Variants in SOX5 observed in about 807,000 individuals in gnomAD.
The protein encoded by SOX5 is SRY-box transcription factor 5, also known as transcription factor SOX-5.
A neutral mutation model predicts 92.0 loss-of-function variants in SOX5; 9 were observed. The ratio of observed to expected loss-of-function variants is 0.10; its 90% CI spans 0.06 to 0.17. SOX5 has a LOEUF of 0.17. SOX5 is among the 10% of genes least tolerant of loss of function. The pLI is 1.00. For synonymous variants in SOX5, 344 were observed against 336.3 expected, an observed-to-expected ratio of 1.02 and a Z score of -0.25; for missense variants, 642 against 944.5, an observed-to-expected ratio of 0.68 and a Z score of 4.20.
chr12:24,259,214 AAGAGAGCGAGCG>A, intron 3 of SOX5, among the ~76,000 whole-genome samples: 1 of 152,244 alleles, frequency 6.6e-6, no homozygotes, highest in South Asian at 2.1e-4. Flanking sequence ...AAGAGACAGA[AAGAGAGCGAGCG>A]AGAGAGAGAG....
At chr12:23,613,227 T>C (rs995683863) in intron 8 of SOX5, among the ~76,000 whole-genome samples, 1 of 152,058 alleles carries the variant, frequency 6.6e-6, no homozygotes, top group Non-Finnish European at 1.5e-5. Flanking sequence ...TAATTAAACA[T>C]GTTTCATTCT....
chr12:23,726,166 AGAGAGAGAGG>A (rs1473861612), intron 6 of SOX5, among the ~76,000 whole-genome samples: 8 of 133,762 alleles, frequency 6.0e-5, no homozygotes, highest in Non-Finnish European at 3.1e-5. Flanking sequence ...AGAGAGAGAG[AGAGAGAGAGG>A]TCAGTTTCTC....
chr12:23,790,565 C>CAT (rs2095457822), intron 3 of SOX5, among the ~76,000 whole-genome samples: 1 of 151,512 alleles, frequency 6.6e-6, no homozygotes, highest in South Asian at 2.1e-4. Context: ...CACACACACA[C>CAT]ACACACACAC....
intron 4 of SOX5, among the ~76,000 whole-genome samples, chr12:24,133,569 T>G (rs1949848442): frequency 6.6e-6 from 1 of 152,108 alleles, no homozygotes; most frequent in Non-Finnish European, 1.5e-5. Flanking sequence ...TGTGCGGCTC[T>G]TCAAAGCACA....
intron 3 of SOX5, among the ~76,000 whole-genome samples, chr12:23,824,444 C>G (rs2096188121): frequency 6.6e-6 from 1 of 152,198 alleles, no homozygotes; most frequent in South Asian, 2.1e-4. Flanking sequence ...TTATCACCAG[C>G]TGAGGCTGTA....
At chr12:24,233,118 C>T (rs574346118) in intron 3 of SOX5, among the ~76,000 whole-genome samples, 3 of 151,990 alleles carry the variant, frequency 2.0e-5, no homozygotes, top group Non-Finnish European at 4.4e-5. Flanking sequence ...CCCTCTTATG[C>T]CTAACTTCAT....
At chr12:24,027,303 G>T (rs1420805432) in intron 4 of SOX5, among the ~76,000 whole-genome samples, 1 of 151,850 alleles carries the variant, frequency 6.6e-6, no homozygotes, top group Non-Finnish European at 1.5e-5. Context: ...ACTCAGATCT[G>T]CTCTCCTGAC....
intron 3 of SOX5, among the ~76,000 whole-genome samples, chr12:23,787,643 T>C (rs1169120569): frequency 6.6e-6 from 1 of 151,982 alleles, no homozygotes; most frequent in Non-Finnish European, 1.5e-5. Flanking sequence ...AGTAAGAGAA[T>C]ATACTCAACT....
At chr12:24,160,335 G>A (rs950865130) in intron 4 of SOX5, among the ~76,000 whole-genome samples, 6 of 151,930 alleles carry the variant, frequency 3.9e-5, no homozygotes, top group African/African-American at 1.2e-4. Flanking sequence ...CATATTTGCC[G>A]AGCTCCAAGC....
At chr12:24,347,468 T>TA (rs1381137525) in intron 2 of SOX5, among the ~76,000 whole-genome samples, 1 of 152,114 alleles carries the variant, frequency 6.6e-6, no homozygotes, top group African/African-American at 2.4e-5. Flanking sequence ...TGAGAACACT[T>TA]AAAATCTACT....
At chr12:24,224,185 C>T (rs998582008) in intron 3 of SOX5, among the ~76,000 whole-genome samples, 1 of 152,132 alleles carries the variant, frequency 6.6e-6, no homozygotes, top group African/African-American at 2.4e-5. Context: ...GCAAGATCAT[C>T]TAATGAGGGA....
intron 4 of SOX5, among the ~76,000 whole-genome samples, chr12:24,021,464 C>T (rs972531058): frequency 2.6e-5 from 4 of 152,150 alleles, no homozygotes; most frequent in Admixed American, 6.6e-5. Flanking sequence ...ACAGCATTAA[C>T]GCTTTTCACC....
rs188725805 is a variant in SOX5 at position 23,808,245 on chromosome 12, C to T, written c.481+37738G>A. Among the ~76,000 whole-genome samples, 10 of 152,148 alleles carry T rather than the reference C, an allele frequency of 6.6e-5. No homozygotes were observed. The East Asian group carries it at 1.9e-3, about 29-fold the overall frequency. ...AATCAAAGTTAACTCTGTATTTCTA[C>T]CACCTTTTCAATGACTTTCCCACGA... is the stretch of plus-strand genomic sequence containing the variant. On this transcript the variant is annotated intron_variant, in intron 3 of 14. Coordinates refer to ENST00000451604, the MANE Select transcript of SOX5 (RefSeq NM_006940.6).
chr12:24,037,007 C>G (rs1385485871), intron 4 of SOX5, among the ~76,000 whole-genome samples: 2 of 152,090 alleles, frequency 1.3e-5, no homozygotes, highest in Non-Finnish European at 2.9e-5. Flanking sequence ...AAAAGTCACT[C>G]TCTTGTGAAT....
chr12:24,049,876 G>A (rs1957396948), intron 4 of SOX5, among the ~76,000 whole-genome samples: 1 of 151,764 alleles, frequency 6.6e-6, no homozygotes, highest in African/African-American at 2.4e-5. Flanking sequence ...TGGAGCCAGT[G>A]CAATTTGTCC....
At chr12:23,948,101 T>A (rs1944915418) in intron 1 of SOX5, among the ~76,000 whole-genome samples, 1 of 152,016 alleles carries the variant, frequency 6.6e-6, no homozygotes, top group African/African-American at 2.4e-5. Context: ...AAGGCTATAT[T>A]TGCAAATAAA....
chr12:24,284,432 T>TG (rs77467039), intron 2 of SOX5, among the ~76,000 whole-genome samples: 1 of 149,564 alleles, frequency 6.7e-6, no homozygotes, highest in African/African-American at 2.5e-5. Context: ...TTTTTTTTCT[T>TG]TGTGTGTGTG....
intron 1 of SOX5, among the ~76,000 whole-genome samples, chr12:24,445,015 T>C (rs543101688): frequency 3.9e-5 from 6 of 152,228 alleles, no homozygotes; most frequent in African/African-American, 1.4e-4. Context: ...TGATTTTTTC[T>C]GTACCATCTG....
chr12:24,040,762 C>A (rs1014875723), intron 4 of SOX5, among the ~76,000 whole-genome samples: 3 of 151,942 alleles, frequency 2.0e-5, no homozygotes, highest in Non-Finnish European at 2.9e-5. Context: ...AGTCCCAGTT[C>A]CTCGGGAGGC....
Sources: allele counts gnomAD v4.1 joint callset (sites outside exome capture counted in the v4.1 genomes callset), GRCh38; gene constraint gnomAD v4.1.1; transcripts MANE v1.5; gene names NCBI Gene and HGNC (gene_info 2026-07-23, HGNC 2026-07-21).